The following PM20D2 variants were observed in gnomAD, a reference collection of about 807,000 sequenced individuals.
PM20D2 encodes the protein xaa-Arg dipeptidase.
In PM20D2, 33 loss-of-function variants were observed where a neutral mutation model predicts 42.9. The ratio of observed to expected loss-of-function variants is 0.77; its 90% CI spans 0.58 to 1.03. The LOEUF (loss-of-function observed/expected upper bound fraction) is 1.03. Ranked by LOEUF, PM20D2 falls within the 50% of genes least tolerant of loss-of-function variation. The pLI, the probability that PM20D2 is intolerant of heterozygous loss-of-function variation, is 0.00. For missense variants in PM20D2, 548 were observed against 557.0 expected (o/e 0.98, Z 0.16); for synonymous variants, 250 against 228.2 (o/e 1.10, Z -0.86).
chr6:89,108,866 A>G, the PM20D2 span, among the ~76,000 whole-genome samples: 1 of 152,218 alleles, frequency 6.6e-6, no homozygotes, highest in Non-Finnish European at 1.5e-5. Flanking sequence ...GAAATTACAT[A>G]TAAGATTCAA....
chr6:89,120,433 C>T, the PM20D2 span, among the ~76,000 whole-genome samples: 1 of 152,160 alleles, frequency 6.6e-6, no homozygotes, highest in East Asian at 1.9e-4. Flanking sequence ...CAAACCACTA[C>T]ATTGACTTTG....
chr6:89,114,035 T>C, the PM20D2 span, among the ~76,000 whole-genome samples: 1 of 152,242 alleles, frequency 6.6e-6, no homozygotes, highest in Non-Finnish European at 1.5e-5. Context: ...ACAGATTACA[T>C]GTGATGATTC....
rs777456317 is a variant in PM20D2 at position 89,161,875 on chromosome 6, T to A, written c.1141T>A (p.Tyr381Asn). Residue 381 changes from tyrosine (Y) to asparagine (N), a missense_variant, in exon 6 of 7, where the codon TAC becomes AAC. Physicochemically the swap from Tyr to Asn is moderately radical, Grantham distance 143. Transcript: ENST00000275072. ...GSNALNHTEQ[Y>N]TEAAGSQEAQ... ...TAATGCCTTGAATCATACTGAACAG[T>A]ACACTGAAGCTGCTGGTAAGTGTTG... 4 of 1,610,332 alleles carry A rather than the reference T, an allele frequency of 2.5e-6. No homozygotes were observed. Among genetic ancestry groups the A allele is most frequent in the Non-Finnish European group, 3.4e-6 (4 of 1,176,532 alleles).
At chr6:89,147,127 C>G (rs1331672654) in intron 1 of PM20D2, among the ~76,000 whole-genome samples, 1 of 152,106 alleles carries the variant, frequency 6.6e-6, no homozygotes, top group Non-Finnish European at 1.5e-5. Flanking sequence ...ACCACCAGAC[C>G]CCTAGAAGTA....
the PM20D2 span, among the ~76,000 whole-genome samples, chr6:89,099,450 A>G: frequency 7.2e-6 from 1 of 138,650 alleles, no homozygotes; most frequent in African/African-American, 2.6e-5. Context: ...ACACATATAT[A>G]TGTGTGTATA....
the PM20D2 span, chr6:89,117,813 G>A: frequency 6.5e-7 from 1 of 1,549,794 alleles, no homozygotes; most frequent in East Asian, 2.7e-5. Flanking sequence ...CTGCAGCCGC[G>A]GCCGTTCACC....
At chr6:89,131,130 A>G in the PM20D2 span, among the ~76,000 whole-genome samples, 2 of 151,950 alleles carry the variant, frequency 1.3e-5, no homozygotes, top group African/African-American at 4.8e-5. Context: ...GAGTGCTAAT[A>G]TGCTAGCTGA....
At chr6:89,097,262 C>T in the PM20D2 span, 1 of 152,044 alleles carries the variant, frequency 6.6e-6, no homozygotes, top group Non-Finnish European at 1.5e-5. Context: ...ATGTAAGTCA[C>T]AAAGTATACA....
the PM20D2 span, chr6:89,118,008 C>T: frequency 1.9e-6 from 2 of 1,059,446 alleles, no homozygotes; most frequent in Admixed American, 7.2e-5. Flanking sequence ...ACCCCTCGGC[C>T]TCAGCCCCGC....
the PM20D2 span, among the ~76,000 whole-genome samples, chr6:89,134,349 A>C: frequency 6.6e-6 from 1 of 151,028 alleles, no homozygotes; most frequent in Non-Finnish European, 1.5e-5. Flanking sequence ...TCGGCCAAAC[A>C]CTTAAGTGAA....
At chr6:89,106,686 T>C in the PM20D2 span, 1 of 196,752 alleles carries the variant, frequency 5.1e-6, no homozygotes, top group Non-Finnish European at 1.1e-5. Context: ...ATTACCTCAA[T>C]GTCACTTGAT....
chr6:89,161,961 AC>A, intron 6 of PM20D2, 71 bp downstream of exon 6: 1 of 1,503,824 alleles, frequency 6.6e-7, no homozygotes, highest in Non-Finnish European at 9.2e-7. Flanking sequence ...TTTCTGTTTA[AC>A]CTACTATTTC....
chr6:89,144,233 T>G (rs1485164079), upstream of PM20D2, among the ~76,000 whole-genome samples: 2 of 133,378 alleles, frequency 1.5e-5, no homozygotes, highest in Non-Finnish European at 3.1e-5. Flanking sequence ...CTACCTCAAG[T>G]GGCAGCTTTG....
In PM20D2 at chr6:89,149,263, A is replaced by G. The variant is rs149885811; in HGVS notation, c.466-2A>G. 6 of 1,613,324 alleles carry G rather than the reference A, an allele frequency of 3.7e-6. No individual in the cohort carries two copies. Among genetic ancestry groups the G allele is most frequent in the South Asian group, 3.3e-5 (3 of 90,910 alleles). Reference sequence around the variant, plus strand: ...TTCCCTGACATGAGTATTTCCTTCTAGGTAGTTGTCCTGGGAACCCCTGCA... The same window carrying G: ...TTCCCTGACATGAGTATTTCCTTCTGGGTAGTTGTCCTGGGAACCCCTGCA... On this transcript the variant is annotated splice_acceptor_variant, in intron 1 of 6. Coordinates refer to ENST00000275072, the MANE Select transcript of PM20D2 (RefSeq NM_001010853.3). LOFTEE classifies it high-confidence loss of function.
the PM20D2 span, among the ~76,000 whole-genome samples, chr6:89,137,224 T>C: frequency 6.6e-6 from 1 of 152,166 alleles, no homozygotes; most frequent in Non-Finnish European, 1.5e-5. Context: ...CAAGAAGCAC[T>C]TTATAGAAAG....
chr6:89,103,642 TAGAGAC>T, the PM20D2 span, among the ~76,000 whole-genome samples: 1 of 152,090 alleles, frequency 6.6e-6, no homozygotes, highest in East Asian at 1.9e-4. Context: ...GAATTTTTAG[TAGAGAC>T]AGGATTTCAC....
the PM20D2 span, chr6:89,107,372 A>C: frequency 1.4e-6 from 1 of 736,014 alleles, no homozygotes; most frequent in Non-Finnish European, 2.2e-6. Flanking sequence ...GACCAGCATT[A>C]TCTAAAATTG....
At chr6:89,126,807 A>G in the PM20D2 span, among the ~76,000 whole-genome samples, 1 of 152,158 alleles carries the variant, frequency 6.6e-6, no homozygotes, top group African/African-American at 2.4e-5. Context: ...AAAATAAACA[A>G]TGACTTTTTG....
At chr6:89,094,613 C>T in the PM20D2 span, among the ~76,000 whole-genome samples, 3 of 152,098 alleles carry the variant, frequency 2.0e-5, no homozygotes, top group Non-Finnish European at 4.4e-5. Flanking sequence ...CAAACATATA[C>T]CTAGGGTATC....
Sources: allele counts gnomAD v4.1 joint callset (sites outside exome capture counted in the v4.1 genomes callset), GRCh38; gene constraint gnomAD v4.1.1; transcripts MANE v1.5; gene names NCBI Gene and HGNC (gene_info 2026-07-23, HGNC 2026-07-21).